KCNB2: variants seen among roughly 807,000 people sequenced by gnomAD.
KCNB2 encodes the protein delayed rectifier potassium channel protein.
Under a neutral mutation model 61.5 loss-of-function variants are expected in KCNB2, and 15 were observed. That is an observed-to-expected ratio of 0.24 (90% CI 0.16 to 0.38). The LOEUF is 0.38. Ranked by LOEUF, KCNB2 falls within the 10% of genes least tolerant of loss-of-function variation. The pLI is 1.00. For synonymous variants in KCNB2, 457 were observed against 446.0 expected, an observed-to-expected ratio of 1.02 and a Z score of -0.31; for missense variants, 828 against 1,125.2, an observed-to-expected ratio of 0.74 and a Z score of 3.78.
At chr8:72,795,529 C>T (rs946874710) in intron 2 of KCNB2, among the ~76,000 whole-genome samples, 2 of 152,186 alleles carry the variant, frequency 1.3e-5, no homozygotes, top group Non-Finnish European at 2.9e-5. Context: ...TGAGCAAATC[C>T]ATGTGCCACA....
chr8:72,701,433 A>AT (rs1333613992), intron 2 of KCNB2, among the ~76,000 whole-genome samples: 7 of 152,296 alleles, frequency 4.6e-5, no homozygotes, highest in Middle Eastern at 6.8e-3. Flanking sequence ...TTATCTATTC[A>AT]TAACACCATC....
At chr8:72,639,700 C>T (rs557165725) in intron 2 of KCNB2, among the ~76,000 whole-genome samples, 1 of 152,168 alleles carries the variant, frequency 6.6e-6, no homozygotes, top group East Asian at 1.9e-4. Context: ...TGGTTATTTT[C>T]TAAAATCACC....
intron 2 of KCNB2, among the ~76,000 whole-genome samples, chr8:72,610,564 T>C (rs923326998): frequency 1.3e-5 from 2 of 152,072 alleles, no homozygotes; most frequent in Non-Finnish European, 2.9e-5. Flanking sequence ...CTCATAATAA[T>C]AGCAACCAAA....
At chr8:72,851,703 C>T (rs1375551493) in intron 2 of KCNB2, among the ~76,000 whole-genome samples, 1 of 151,464 alleles carries the variant, frequency 6.6e-6, no homozygotes, top group African/African-American at 2.4e-5. Context: ...TCCAGTACTA[C>T]CATTGGCATG....
At chr8:72,768,123 G>T (rs552120141) in intron 2 of KCNB2, among the ~76,000 whole-genome samples, 2 of 152,278 alleles carry the variant, frequency 1.3e-5, no homozygotes, top group African/African-American at 4.8e-5. Flanking sequence ...TCCTTTATGA[G>T]ATTATGTTGT....
intron 2 of KCNB2, among the ~76,000 whole-genome samples, chr8:72,678,884 A>G (rs1193253489): frequency 1.3e-5 from 2 of 152,188 alleles, no homozygotes; most frequent in African/African-American, 2.4e-5. Context: ...ACCTCAATGT[A>G]AACCTTTGTT....
chr8:72,828,285 T>C (rs1278061505), intron 2 of KCNB2, among the ~76,000 whole-genome samples: 2 of 152,234 alleles, frequency 1.3e-5, no homozygotes, highest in Admixed American at 1.3e-4. Flanking sequence ...TCAATATGAT[T>C]CTGTTTCATC....
At chr8:72,840,407 A>T (rs1460677832) in intron 2 of KCNB2, among the ~76,000 whole-genome samples, 3 of 152,190 alleles carry the variant, frequency 2.0e-5, no homozygotes, top group African/African-American at 7.2e-5. Context: ...ATGATTTATA[A>T]TCCTTCAGGT....
At chr8:72,887,875 T>A (rs1273174435) in intron 2 of KCNB2, among the ~76,000 whole-genome samples, 1 of 152,218 alleles carries the variant, frequency 6.6e-6, no homozygotes. Context: ...TGAACAGGCC[T>A]GATGGTGTGA....
At chr8:72,712,195 G>A (rs1807336766) in intron 2 of KCNB2, among the ~76,000 whole-genome samples, 1 of 152,186 alleles carries the variant, frequency 6.6e-6, no homozygotes, top group Admixed American at 6.5e-5. Context: ...TGTAGAAAGA[G>A]AAGGCAATGA....
intron 2 of KCNB2, among the ~76,000 whole-genome samples, chr8:72,826,574 T>G (rs1809599790): frequency 6.6e-6 from 1 of 152,222 alleles, no homozygotes; most frequent in African/African-American, 2.4e-5. Context: ...AAGATTAATT[T>G]AGATATTTCC....
intron 2 of KCNB2, among the ~76,000 whole-genome samples, chr8:72,773,367 A>C (rs1463973125): frequency 6.6e-6 from 1 of 152,216 alleles, no homozygotes; most frequent in Non-Finnish European, 1.5e-5. Context: ...ACTCTAATCC[A>C]GTCATGTCAA....
intron 2 of KCNB2, among the ~76,000 whole-genome samples, chr8:72,585,649 TGAGCC>T (rs1274530818): frequency 3.3e-5 from 5 of 152,342 alleles, no homozygotes; most frequent in African/African-American, 1.2e-4. Flanking sequence ...ATTACAGGCA[TGAGCC>T]GTGATGCCCA....
intron 2 of KCNB2, among the ~76,000 whole-genome samples, chr8:72,836,235 G>T (rs576492057): frequency 1.3e-5 from 2 of 152,226 alleles, no homozygotes; most frequent in East Asian, 3.9e-4. Context: ...TATAACTTTG[G>T]TTTTATTTTA....
chr8:72,543,928 GTA>G (rs1806224701), intron 1 of KCNB2, among the ~76,000 whole-genome samples: 1 of 152,188 alleles, frequency 6.6e-6, no homozygotes, highest in Non-Finnish European at 1.5e-5. Flanking sequence ...TATGTTTTTA[GTA>G]TGAAGGTAAG....
At position 72,559,344 on chromosome 8, in the gene KCNB2, C is replaced by T. The variant is rs192805014; in HGVS notation, c.-93-8298C>T. ...ATTTTTAGTAGAGACAGGGTTTCAC[C>T]GTGTTTCCCAGGCTGATCTTGAACT... On this transcript the variant is annotated intron_variant, in intron 1 of 2. Coordinates refer to ENST00000523207, the MANE Select transcript of KCNB2 (RefSeq NM_004770.3). Among the ~76,000 whole-genome samples the T allele has an allele frequency of 4.9e-3, 750 of 152,006 alleles. 6 individuals are homozygous for T. The highest frequency in any genetic ancestry group is 0.017 in the African/African-American group (701 of 41,454).
chr8:72,740,506 C>A (rs1822061), intron 2 of KCNB2, among the ~76,000 whole-genome samples: 63,943 of 152,014 alleles, frequency 0.42, 15,113 homozygotes, highest in Non-Finnish European at 0.56. Flanking sequence ...TCATTCATAT[C>A]TCATATGAAT....
intron 2 of KCNB2, among the ~76,000 whole-genome samples, chr8:72,693,176 A>C (rs911935106): frequency 6.6e-6 from 1 of 151,994 alleles, no homozygotes; most frequent in African/African-American, 2.4e-5. Context: ...GCTGCGGGCC[A>C]GTTTGCAGTT....
intron 2 of KCNB2, among the ~76,000 whole-genome samples, chr8:72,795,244 A>G (rs892628854): frequency 2.0e-5 from 3 of 152,258 alleles, no homozygotes; most frequent in African/African-American, 4.8e-5. Flanking sequence ...AATAAATTTT[A>G]CGTATTTTCT....
Sources: gnomAD v4.1 joint callset for allele counts (sites outside exome capture counted in the v4.1 genomes callset) on GRCh38, gnomAD v4.1.1 for gene constraint, MANE v1.5 for transcripts, NCBI Gene and HGNC (gene_info 2026-07-23, HGNC 2026-07-21) for gene names.